The following PFKP variants were observed in gnomAD, a reference collection of about 807,000 sequenced individuals.
PFKP encodes the protein ATP-dependent 6-phosphofructokinase, platelet type.
A neutral mutation model predicts 94.3 loss-of-function variants in PFKP; 101 were observed. The ratio of observed to expected loss-of-function variants is 1.07; its 90% CI spans 0.91 to 1.26. The LOEUF (loss-of-function observed/expected upper bound fraction) is 1.26, where lower values mean the gene tolerates loss of function less well. Among genes scored for constraint, PFKP ranks in the 50% most tolerant of loss-of-function variants. PFKP has a pLI of 0.00. For synonymous variants in PFKP, 573 were observed against 432.6 expected, an observed-to-expected ratio of 1.32 and a Z score of -4.03; for missense variants, 1,145 against 1,103.3, an observed-to-expected ratio of 1.04 and a Z score of -0.53.
rs1305757424 is a variant in PFKP at position 3,067,756 on chromosome 10, G to GCGA, written c.112+49_112+50insCGA. 1.9e-3 allele frequency: 1,961 copies of GCGA among 1,018,952 alleles called. 37 individuals carry two copies. Among genetic ancestry groups the GCGA allele is most frequent in the East Asian group, 7.7e-3 (240 of 31,100 alleles). 63.1% of individuals were successfully genotyped at this position (1,018,952 alleles called of 1,614,324 possible). A position where few individuals can be genotyped will look rare whatever the true frequency, so the allele number is the denominator to read the frequency against. On this transcript the variant is annotated intron_variant, in intron 1 of 21. Transcript: ENST00000381125. ...GAGGGAGGGACGGACGGACGGAGCT[G>GCGA]GGGAGAACCGGGCGAAGGCGATGGG...
chr10:3,117,249 T>C (rs2131626039), intron 14 of PFKP, among the ~76,000 whole-genome samples: 1 of 152,280 alleles, frequency 6.6e-6, no homozygotes. Context: ...CCTGAGCAGC[T>C]GTGACTCGAG....
chr10:3,113,690 G>A (rs925634265), intron 13 of PFKP, among the ~76,000 whole-genome samples, 172 bp downstream of exon 13: 1 of 152,082 alleles, frequency 6.6e-6, no homozygotes, highest in South Asian at 2.1e-4. Context: ...CCCTAAGGTA[G>A]GTTTCAGGCC....
intron 16 of PFKP, among the ~76,000 whole-genome samples, chr10:3,128,378 C>T (rs1838183910): frequency 6.6e-6 from 1 of 152,190 alleles, no homozygotes; most frequent in Non-Finnish European, 1.5e-5. Flanking sequence ...CTTTGTGGTC[C>T]TAGAAACCAG....
chr10:3,095,926 G>T (rs1588447505), intron 2 of PFKP, among the ~76,000 whole-genome samples: 1 of 150,840 alleles, frequency 6.6e-6, no homozygotes, highest in East Asian at 2.0e-4. Flanking sequence ...GAGCATTGGA[G>T]GTGGCACTCA....
intron 1 of PFKP, among the ~76,000 whole-genome samples, chr10:3,080,070 C>T (rs1832930606): frequency 6.6e-6 from 1 of 150,738 alleles, no homozygotes; most frequent in African/African-American, 2.4e-5. Flanking sequence ...AGCAAGAGCA[C>T]TGGTGGGACT....
intron 1 of PFKP, among the ~76,000 whole-genome samples, chr10:3,079,657 C>CGGGGGGG (rs1456588977): frequency 1.5e-3 from 12 of 7,786 alleles, no homozygotes; most frequent in Non-Finnish European, 1.9e-3. Flanking sequence ...CTTCAGAGAG[C>CGGGGGGG]GGGGTGGGGG....
At chr10:3,089,657 ATATT>A (rs1294211582) in intron 2 of PFKP, among the ~76,000 whole-genome samples, 1 of 149,644 alleles carries the variant, frequency 6.7e-6, no homozygotes, top group East Asian at 1.9e-4. Context: ...TATTATGTAT[ATATT>A]ATTATACATT....
At chr10:3,107,125 C>G in intron 7 of PFKP, 89 bp from the exon 8 acceptor site, 2 of 791,720 alleles carry the variant, frequency 2.5e-6, no homozygotes, top group Non-Finnish European at 4.4e-6. Flanking sequence ...GAGGCCAGTT[C>G]AGTTTGAGAC....
intron 1 of PFKP, among the ~76,000 whole-genome samples, chr10:3,073,514 C>A (rs1384021159): frequency 1.3e-5 from 2 of 151,778 alleles, no homozygotes; most frequent in African/African-American, 4.8e-5. Context: ...TGCTGCTGGA[C>A]CCCCTGGGGC....
At chr10:3,109,665 C>G (rs1835972071) in intron 10 of PFKP, among the ~76,000 whole-genome samples, 185 bp downstream of exon 10, 1 of 152,204 alleles carries the variant, frequency 6.6e-6, no homozygotes. Context: ...CCTGCAGAGC[C>G]TGCGCCGTCT....
intron 10 of PFKP, 124 bp downstream of exon 10, chr10:3,109,604 A>G (rs1588492483): frequency 1.6e-6 from 2 of 1,222,978 alleles, no homozygotes; most frequent in East Asian, 2.5e-5. Flanking sequence ...CCTTTCTGAG[A>G]AGGAGGTGAG....
chr10:3,122,293 C>T (rs924360744), intron 16 of PFKP, among the ~76,000 whole-genome samples: 3 of 152,112 alleles, frequency 2.0e-5, no homozygotes, highest in South Asian at 2.1e-4. Flanking sequence ...GTTCTAGTCT[C>T]GTGATGGGTG....
At chr10:3,082,607 G>C (rs576553820) in intron 2 of PFKP, 146 bp downstream of exon 2, 201 of 490,240 alleles carry the variant, frequency 4.1e-4, no homozygotes, top group African/African-American at 3.6e-3. Context: ...AGCCAGGGCC[G>C]TTCCTCAGCC....
chr10:3,108,599 G>GAA, intron 8 of PFKP, 102 bp from the exon 9 acceptor site: 1 of 827,770 alleles, frequency 1.2e-6, no homozygotes, highest in South Asian at 1.4e-5. Context: ...TAGATCTGAA[G>GAA]AAAGAGCGAA....
intron 14 of PFKP, among the ~76,000 whole-genome samples, chr10:3,117,757 G>A (rs530421002): frequency 2.2e-4 from 33 of 152,278 alleles, no homozygotes; most frequent in Non-Finnish European, 3.7e-4. Flanking sequence ...CTGACACCCC[G>A]GGCACAGGTG....
chr10:3,121,819 TTTTTTTTTTTTC>T (rs1474273783), intron 16 of PFKP, among the ~76,000 whole-genome samples: 10 of 44,382 alleles, frequency 2.3e-4, no homozygotes, highest in African/African-American at 4.5e-4. Flanking sequence ...TTTTTTTTTT[TTTTTTTTTTTTC>T]TTTTTTTGGA....
In PFKP at chr10:3,116,787, C is replaced by T. The variant is rs61760975; in HGVS notation, c.1383C>T (p.Ile461=). ...DGFAKGQIKE[I]GWTDVGGWTG... is the part of the protein sequence containing the mutation. ...TGTTTGCACATTAGATCAAAGAAAT[C>T]GGCTGGACAGATGTCGGGGGCTGGA... Residue 461 remains isoleucine, a synonymous_variant, in exon 14 of 22, where the codon ATC becomes ATT. Coordinates refer to ENST00000381125, the MANE Select transcript of PFKP (RefSeq NM_002627.5). The T allele has an allele frequency of 1.5e-4, 242 of 1,613,172 alleles. No homozygotes were observed. Among genetic ancestry groups the T allele is most frequent in the Admixed American group, 8.7e-4 (52 of 60,008 alleles).
chr10:3,114,067 G>T lies in PFKP; in HGVS notation c.1371+549G>T, dbSNP rs568636788. Among the ~76,000 whole-genome samples the T allele has an allele frequency of 2.1e-3, 321 of 152,266 alleles. 3 individuals carry two copies. The highest frequency in any genetic ancestry group is 7.3e-3 in the African/African-American group (302 of 41,554). On this transcript the variant is annotated intron_variant, in intron 13 of 21. Transcript: ENST00000381125. ...GGGCTGGGTGCACGAGGGAGGACTG[G>T]AAACAGGATTCTGAGCTCCTGACCA...
intron 13 of PFKP, among the ~76,000 whole-genome samples, chr10:3,115,424 A>T (rs74112548): frequency 0.032 from 484 of 15,318 alleles, 67 homozygotes; most frequent in Admixed American, 0.2. Flanking sequence ...GTGTCCCGCC[A>T]TGGAGGACAG....
Sources: gnomAD v4.1 joint callset for allele counts (sites outside exome capture counted in the v4.1 genomes callset) on GRCh38, gnomAD v4.1.1 for gene constraint, MANE v1.5 for transcripts, NCBI Gene and HGNC (gene_info 2026-07-23, HGNC 2026-07-21) for gene names.